Variants in ZNF442 observed in about 807,000 individuals in gnomAD.
The protein encoded by ZNF442 is zinc finger protein 442.
A neutral mutation model predicts 57.0 loss-of-function variants in ZNF442; 45 were observed. The observed-to-expected ratio is 0.79, with a 90% CI of 0.62 to 1.01. The LOEUF (loss-of-function observed/expected upper bound fraction) is 1.01. ZNF442 is among the 50% of genes least tolerant of loss of function. The pLI is 0.00. For missense variants in ZNF442, 690 were observed against 756.5 expected (o/e 0.91, Z 1.03); for synonymous variants, 213 against 241.8 (o/e 0.88, Z 1.10).
In ZNF442 at chr19:12,363,575, AG is replaced by A. The variant is rs1182728575; in HGVS notation, c.56del (p.Thr19IlefsTer11). ...RSDLFLPDSQTNEERKQYDSV... is the reference protein window; with the variant it reads ...RSDLFLPDSQXNEERKQYDSV... ...TTACATATTGTTTTCTCTCTTCATT[AG>A]TCTGAGAGTCAGGAAGGAAGAGATC... On this transcript the variant is annotated frameshift_variant, in exon 3 of 6. Coordinates refer to ENST00000242804, the MANE Select transcript of ZNF442 (RefSeq NM_030824.3). LOFTEE classifies it high-confidence loss of function. The A allele has an allele frequency of 1.4e-5, 23 of 1,614,072 alleles. No individual in the cohort carries two copies. The highest frequency in any genetic ancestry group is 1.9e-5 in the Non-Finnish European group (23 of 1,180,016).
chr19:12,349,836 A>G lies in ZNF442; in HGVS notation c.1749T>C (p.Arg583=), dbSNP rs762111717. ...TTTCATGTCCTCGAAGGAAACGAGA[A>G]CGAGTGAAGGCTTTACCACATTGTT... ...ECQQCGKAFT[R]SRFLRGHEKT... is the part of the protein sequence containing the mutation. Residue 583 remains arginine, a synonymous_variant, in exon 6 of 6, where the codon CGT becomes CGC. Coordinates refer to ENST00000242804, the MANE Select transcript of ZNF442 (RefSeq NM_030824.3). 2.5e-6 allele frequency: 4 copies of G among 1,614,014 alleles called. No homozygotes were observed. The highest frequency in any genetic ancestry group is 3.4e-6 in the Non-Finnish European group (4 of 1,179,980).
intron 3 of ZNF442, among the ~76,000 whole-genome samples, chr19:12,362,733 G>C (rs997490828): frequency 2.6e-5 from 4 of 152,168 alleles, no homozygotes; most frequent in Admixed American, 6.5e-5. Flanking sequence ...ATTGAGAGTG[G>C]GCCATGATGA....
chr19:12,352,028 T>G lies in ZNF442; in HGVS notation c.248A>C (p.Asn83Thr), dbSNP rs774013474. 17 of 1,613,836 alleles carry G rather than the reference T, an allele frequency of 1.1e-5. No individual in the cohort carries two copies. In the Admixed American group the frequency reaches 2.8e-4, roughly 27 times the overall value. ...AAATTACCTTAGGCTCCTCCTGGGA[T>G]TTCTGTGCTGATCTTCAATGTTTGT... The part of the protein sequence containing the change: ...EDTNIEDQHR[N>T]PRRSLRCHII... Residue 83 changes from asparagine (N) to threonine (T), a missense_variant, in exon 5 of 6, where the codon AAT (asparagine) becomes ACT (threonine). Physicochemically the swap from Asn to Thr is moderately conservative, Grantham distance 65. Transcript: ENST00000242804.
At chr19:12,372,735 C>T in the ZNF442 span, among the ~76,000 whole-genome samples, 1 of 152,126 alleles carries the variant, frequency 6.6e-6, no homozygotes, top group Non-Finnish European at 1.5e-5. Flanking sequence ...CTTTGATGTT[C>T]CAAATTTTCT....
Position 12,351,312 on chromosome 19 carries a change from A to G in ZNF442, c.273T>C (p.His91=), listed in dbSNP as rs1466548460. The G allele has an allele frequency of 5.6e-6, 9 of 1,609,104 alleles. No homozygotes were observed. Among genetic ancestry groups the G allele is most frequent in the Non-Finnish European group, 7.6e-6 (9 of 1,177,240 alleles). Residue 91 remains histidine, a synonymous_variant, in exon 6 of 6, where the codon CAT becomes CAC. Transcript: ENST00000242804. ...GACTTTCACTAAATCTCTCTATGAT[A>G]TGACATCTGTAAAACATGAGAAGTA... ...HRNPRRSLRC[H]IIERFSESRQ...
intron 3 of ZNF442, among the ~76,000 whole-genome samples, chr19:12,360,083 C>T (rs141207105): frequency 5.7e-4 from 87 of 152,208 alleles, no homozygotes; most frequent in African/African-American, 2.0e-3. Context: ...CTTTTCTGCC[C>T]AACCTTAGAG....
intron 3 of ZNF442, among the ~76,000 whole-genome samples, chr19:12,354,856 G>A (rs1010127506): frequency 1.2e-4 from 19 of 152,228 alleles, no homozygotes; most frequent in Admixed American, 8.5e-4. Flanking sequence ...TACGCAATAC[G>A]TATGACAGAC....
chr19:12,361,786 A>C (rs1489878190), intron 3 of ZNF442, among the ~76,000 whole-genome samples: 1 of 149,308 alleles, frequency 6.7e-6, no homozygotes, highest in African/African-American at 2.5e-5. Flanking sequence ...GCTGGACTGT[A>C]GTGCCGCCAT....
At chr19:12,371,366 T>C in the ZNF442 span, among the ~76,000 whole-genome samples, 1 of 152,222 alleles carries the variant, frequency 6.6e-6, no homozygotes, top group Non-Finnish European at 1.5e-5. Flanking sequence ...TCAACCATCT[T>C]TCTGTAAGAT....
At position 12,349,368 on chromosome 19, in the gene ZNF442, C is replaced by T. The variant is rs1969175168; in HGVS notation, c.*333G>A. ...GACTGTTTACATAGCTTTTACAACA[C>T]ATGAGGTATTTTAGTAACCTACTTT... On this transcript the variant is annotated 3_prime_UTR_variant, in exon 6 of 6. Coordinates refer to ENST00000242804, the MANE Select transcript of ZNF442 (RefSeq NM_030824.3). 5.0e-6 allele frequency: 1 copy of T among 198,028 alleles called. No homozygotes were observed. The highest frequency in any genetic ancestry group is 1.2e-4 in the South Asian group (1 of 8,394). 12.3% of individuals were successfully genotyped at this position (198,028 alleles called of 1,614,324 possible). A position where few individuals can be genotyped will look rare whatever the true frequency, so the allele number is the denominator to read the frequency against.
chr19:12,359,444 A>G (rs77061898), intron 3 of ZNF442, among the ~76,000 whole-genome samples: 3,730 of 152,296 alleles, frequency 0.024, 157 homozygotes, highest in African/African-American at 0.085. Context: ...TCTCTAAACT[A>G]TAACTCAGCC....
At chr19:12,365,428 AC>A in intron 1 of ZNF442, 104 bp downstream of exon 1, 2 of 294,124 alleles carry the variant, frequency 6.8e-6, no homozygotes. Context: ...GGGTCCACAG[AC>A]CCCGCAGTCG....
chr19:12,363,902 A>C (rs1180206552), intron 2 of ZNF442, among the ~76,000 whole-genome samples: 1 of 152,228 alleles, frequency 6.6e-6, no homozygotes, highest in Non-Finnish European at 1.5e-5. Context: ...GGCAGTTCTG[A>C]AACAGAACCA....
Position 12,347,403 on chromosome 19 carries a change from A to G in ZNF442, c.*2298T>C, listed in dbSNP as rs1002622465. 6 of 152,198 alleles carry G rather than the reference A, an allele frequency of 3.9e-5. No individual in the cohort carries two copies. The highest frequency in any genetic ancestry group is 1.3e-4 in the Admixed American group (2 of 15,286). The allele number at this position is 152,198 out of a possible 1,614,324, so 9.4% of individuals were successfully genotyped here. On this transcript the variant is annotated 3_prime_UTR_variant, in exon 6 of 6. Transcript: ENST00000242804. ...GAAACCATTATGGAGTGAGGAAGTC[A>G]ATGATTTCAGGAGCTTCTCCACTAT...
rs112496719 is a variant in ZNF442, at chr19:12,349,201, T to TA, written c.*499dup. On this transcript the variant is annotated 3_prime_UTR_variant, in exon 6 of 6. Coordinates refer to ENST00000242804, the MANE Select transcript of ZNF442 (RefSeq NM_030824.3). ...GGGCAATAAGAGTGAAACTCTGTCTTAAAAAAAAAAAAAAGAAAAAAAGAA... is the reference window on the plus strand; with the variant it reads ...GGGCAATAAGAGTGAAACTCTGTCTTAAAAAAAAAAAAAAAGAAAAAAAGAA... The TA allele has an allele frequency of 8.1e-4, 110 of 135,416 alleles. 1 individual carries two copies. The highest frequency in any genetic ancestry group is 3.0e-3 in the East Asian group (14 of 4,724). The allele number at this position is 135,416 out of a possible 1,614,324, so 8.4% of individuals were successfully genotyped here. A position where few individuals can be genotyped will look rare whatever the true frequency, so the allele number is the denominator to read the frequency against.
At chr19:12,357,349 C>CTTTTTTT (rs5827145) in intron 3 of ZNF442, among the ~76,000 whole-genome samples, 5 of 95,368 alleles carry the variant, frequency 5.2e-5, no homozygotes, top group East Asian at 3.1e-4. Context: ...CTTTTTCTTT[C>CTTTTTTT]TTTTTTTTTT....
At chr19:12,368,544 C>T (rs1472245984), upstream of ZNF442, among the ~76,000 whole-genome samples, 1 of 152,166 alleles carries the variant, frequency 6.6e-6, no homozygotes, top group Non-Finnish European at 1.5e-5. Context: ...TAATGTATAA[C>T]CTGGCAGGAT....
rs117612375 is a variant in ZNF442, at chr19:12,352,025, G to A, written c.251C>T (p.Pro84Leu). The A allele has an allele frequency of 0.02, 32,156 of 1,612,854 alleles. 395 individuals carry two copies. Among genetic ancestry groups the A allele is most frequent in the Non-Finnish European group, 0.024 (27,825 of 1,179,310 alleles). Residue 84 changes from proline (P) to leucine (L), a missense_variant, in exon 5 of 6, where the codon CCC (proline) becomes CTC (leucine). Physicochemically the swap from Pro to Leu is moderately conservative, Grantham distance 98. Transcript: ENST00000242804. Reference sequence around the variant, plus strand: ...TGCAAATTACCTTAGGCTCCTCCTGGGATTTCTGTGCTGATCTTCAATGTT... The same window carrying A: ...TGCAAATTACCTTAGGCTCCTCCTGAGATTTCTGTGCTGATCTTCAATGTT... ...DTNIEDQHRN[P>L]RRSLRCHIIE...
intron 3 of ZNF442, among the ~76,000 whole-genome samples, chr19:12,361,319 T>A (rs1275196127): frequency 6.6e-6 from 1 of 152,258 alleles, no homozygotes; most frequent in South Asian, 2.1e-4. Context: ...ATATTTGAGT[T>A]CTTTAGCTGT....
Sources: gnomAD v4.1 joint callset for allele counts (sites outside exome capture counted in the v4.1 genomes callset) on GRCh38, gnomAD v4.1.1 for gene constraint, MANE v1.5 for transcripts, NCBI Gene and HGNC (gene_info 2026-07-23, HGNC 2026-07-21) for gene names.